The following RAD51B variants were observed in gnomAD, a reference collection of about 807,000 sequenced individuals.
RAD51B encodes the protein DNA repair protein RAD51 homolog 2.
RAD51B carries 38 observed loss-of-function variants against 42.2 expected under a neutral mutation model. That is an observed-to-expected ratio of 0.90 (90% confidence interval 0.70 to 1.18). RAD51B has a LOEUF of 1.18. Among genes scored for constraint, RAD51B ranks in the 50% most tolerant of loss-of-function variants. RAD51B has a pLI of 0.00. For synonymous variants in RAD51B, 154 were observed against 145.2 expected, an observed-to-expected ratio of 1.06 and a Z score of -0.43; for missense variants, 373 against 400.7, an observed-to-expected ratio of 0.93 and a Z score of 0.59.
intron 10 of RAD51B, among the ~76,000 whole-genome samples, chr14:68,577,505 TAAA>T (rs374739046): frequency 3.5e-5 from 5 of 144,216 alleles, no homozygotes; most frequent in African/African-American, 5.1e-5. Flanking sequence ...TGATTTTATG[TAAA>T]AAAAAAAAAA....
chr14:68,333,818 G>T (rs559286311), intron 8 of RAD51B, among the ~76,000 whole-genome samples: 8 of 152,074 alleles, frequency 5.3e-5, no homozygotes, highest in Non-Finnish European at 1.0e-4. Context: ...CATTTTTCAA[G>T]AATGTAATAT....
chr14:68,376,079 C>A (rs2083363781), intron 8 of RAD51B, among the ~76,000 whole-genome samples: 1 of 152,076 alleles, frequency 6.6e-6, no homozygotes, highest in Non-Finnish European at 1.5e-5. Flanking sequence ...GCTGTTGGGG[C>A]CACTTAAGGA....
At chr14:68,388,351 G>A (rs1363769654) in intron 8 of RAD51B, among the ~76,000 whole-genome samples, 1 of 151,922 alleles carries the variant, frequency 6.6e-6, no homozygotes, top group African/African-American at 2.4e-5. Context: ...ACCCACCTTG[G>A]CCTCCCAAAG....
chr14:67,928,513 C>T (rs529303826), intron 7 of RAD51B, among the ~76,000 whole-genome samples: 1 of 152,080 alleles, frequency 6.6e-6, no homozygotes, highest in Admixed American at 6.5e-5. Flanking sequence ...ATTCATGTGG[C>T]CCGTGAAAAA....
chr14:68,199,964 T>G (rs1461095805), intron 7 of RAD51B, among the ~76,000 whole-genome samples: 1 of 152,188 alleles, frequency 6.6e-6, no homozygotes, highest in Non-Finnish European at 1.5e-5. Flanking sequence ...CTGGAAAATA[T>G]CTGAATGCCA....
In RAD51B at chr14:68,245,164, C is replaced by G. The variant is rs185539480; in HGVS notation, c.757-46720C>G. Among the ~76,000 whole-genome samples, 41 of 152,260 alleles carry G rather than the reference C, an allele frequency of 2.7e-4. No individual in the cohort carries two copies. In the East Asian group the frequency reaches 6.4e-3, roughly 24 times the overall value. ...TATTGTGATCTAGAGGAGGCCCAGC[C>G]AGGGTGGGGTCTAACAAATTGGGGT... On this transcript the variant is annotated intron_variant, in intron 7 of 10. Transcript: ENST00000471583.
chr14:68,155,792 G>A (rs1021608226), intron 7 of RAD51B, among the ~76,000 whole-genome samples: 1 of 152,146 alleles, frequency 6.6e-6, no homozygotes, highest in Non-Finnish European at 1.5e-5. Context: ...TGTGAATCCA[G>A]GATGCAATAT....
At chr14:67,991,847 C>G (rs534670698) in intron 7 of RAD51B, among the ~76,000 whole-genome samples, 1 of 152,054 alleles carries the variant, frequency 6.6e-6, no homozygotes, top group East Asian at 1.9e-4. Flanking sequence ...CTAAAAATAT[C>G]AGGATGATAG....
chr14:67,837,797 C>T (rs144189615), intron 4 of RAD51B, among the ~76,000 whole-genome samples: 14 of 152,058 alleles, frequency 9.2e-5, no homozygotes, highest in Non-Finnish European at 1.8e-4. Flanking sequence ...TGTGTGTGTT[C>T]GGAACATCCA....
At chr14:67,943,470 C>T (rs1048240277) in intron 7 of RAD51B, among the ~76,000 whole-genome samples, 4 of 152,088 alleles carry the variant, frequency 2.6e-5, no homozygotes, top group African/African-American at 4.8e-5. Context: ...ATAAAAAATA[C>T]GATAGGCACT....
chr14:68,189,385 T>C (rs2079219106), intron 7 of RAD51B, among the ~76,000 whole-genome samples: 1 of 152,160 alleles, frequency 6.6e-6, no homozygotes. Context: ...TATTTTTTTG[T>C]AGATGTTTCA....
At chr14:68,369,902 A>G (rs919971155) in intron 8 of RAD51B, among the ~76,000 whole-genome samples, 2 of 152,118 alleles carry the variant, frequency 1.3e-5, no homozygotes, top group African/African-American at 2.4e-5. Context: ...ACAAACTTCG[A>G]GGGGATGATT....
At chr14:68,041,155 GCT>G (rs915529547) in intron 7 of RAD51B, among the ~76,000 whole-genome samples, 1 of 152,100 alleles carries the variant, frequency 6.6e-6, no homozygotes, top group African/African-American at 2.4e-5. Context: ...TTCCGCCTTT[GCT>G]CTCTCTCCTG....
chr14:68,175,393 T>C (rs1037569033), intron 7 of RAD51B, among the ~76,000 whole-genome samples: 1 of 152,214 alleles, frequency 6.6e-6, no homozygotes, highest in African/African-American at 2.4e-5. Flanking sequence ...GTAGGCAGGT[T>C]TATAAAGATG....
downstream of RAD51B, among the ~76,000 whole-genome samples, chr14:68,596,481 C>T (rs1211444490): frequency 6.6e-6 from 1 of 152,110 alleles, no homozygotes. Flanking sequence ...TGGCCCTTCT[C>T]CTTTTATGGA....
chr14:68,336,594 C>T (rs1414573050), intron 8 of RAD51B, among the ~76,000 whole-genome samples: 1 of 152,166 alleles, frequency 6.6e-6, no homozygotes, highest in Non-Finnish European at 1.5e-5. Context: ...AGTTTTTAAA[C>T]AAATTACACT....
intron 8 of RAD51B, among the ~76,000 whole-genome samples, chr14:68,377,761 A>G (rs2083400510): frequency 6.6e-6 from 1 of 152,234 alleles, no homozygotes; most frequent in South Asian, 2.1e-4. Context: ...CGTTTTTGCT[A>G]ATAGCCATCT....
intron 7 of RAD51B, among the ~76,000 whole-genome samples, chr14:68,228,025 A>G (rs2080075791): frequency 6.6e-6 from 1 of 152,208 alleles, no homozygotes; most frequent in Admixed American, 6.5e-5. Flanking sequence ...AACTTTTACA[A>G]TAACCCTCTA....
chr14:68,112,156 AT>A (rs2077470123), intron 7 of RAD51B, among the ~76,000 whole-genome samples: 1 of 152,078 alleles, frequency 6.6e-6, no homozygotes, highest in African/African-American at 2.4e-5. Context: ...ATAACCTCAT[AT>A]AGGAAATTCA....
Sources: gnomAD v4.1 joint callset for allele counts (sites outside exome capture counted in the v4.1 genomes callset) on GRCh38, gnomAD v4.1.1 for gene constraint, MANE v1.5 for transcripts, NCBI Gene and HGNC (gene_info 2026-07-23, HGNC 2026-07-21) for gene names.